Variants in MAGT1 observed in about 807,000 individuals in gnomAD.
MAGT1 encodes dolichyl-diphosphooligosaccharide--protein glycosyltransferase subunit MAGT1.
Under a neutral mutation model 28.4 loss-of-function variants are expected in MAGT1, and 4 were observed. That is an observed-to-expected ratio of 0.14 (90% CI 0.07 to 0.32). The LOEUF (loss-of-function observed/expected upper bound fraction) is 0.32. Ranked by LOEUF, MAGT1 falls within the 10% of genes least tolerant of loss-of-function variation. The probability of loss-of-function intolerance (pLI) is 1.00; values close to 1 mark genes in which losing one functional copy is unlikely to be tolerated. For synonymous variants in MAGT1, 89 were observed against 89.7 expected (o/e 0.99, Z 0.04); for missense variants, 193 against 264.5 (o/e 0.73, Z 1.88).
intron 8 of MAGT1, among the ~76,000 whole-genome samples, chrX:77,832,822 C>CAAAAAAAAAAAAAAAAAAAAAAAAAAA (rs72197791): frequency 3.1e-5 from 1 of 32,349 alleles, no homozygotes; most frequent in Non-Finnish European, 4.8e-5. Context: ...GCCTCTGTCT[C>CAAAAAAAAAAAAAAAAAAAAAAAAAAA]AAAAAAAAAA....
At chrX:77,863,145 G>A (rs1482870127) in intron 3 of MAGT1, among the ~76,000 whole-genome samples, 1 of 109,397 alleles carries the variant, frequency 9.1e-6, no homozygotes, top group Non-Finnish European at 1.9e-5. Context: ...GGGCAACAGA[G>A]TGAGACTCCA....
At chrX:77,844,752 T>G (rs868921132) in intron 7 of MAGT1, among the ~76,000 whole-genome samples, 1 of 111,824 alleles carries the variant, frequency 8.9e-6, no homozygotes, top group South Asian at 3.7e-4. Flanking sequence ...AGTTGAGTGG[T>G]TCTGAGTGAG....
At chrX:77,894,580 T>C (rs781894995) in intron 1 of MAGT1, among the ~76,000 whole-genome samples, 1 of 112,183 alleles carries the variant, frequency 8.9e-6, no homozygotes, top group East Asian at 2.8e-4. Flanking sequence ...TAATTGCTAG[T>C]AGTCTTAAAG....
chrX:77,869,127 T>C lies in MAGT1; in HGVS notation c.390+1681A>G, dbSNP rs1240157236. On this transcript the variant is annotated intron_variant, in intron 3 of 9. Coordinates refer to ENST00000618282, the MANE Select transcript of MAGT1 (RefSeq NM_001367916.1). ...GCTTCCTGGGTTCAAGTGATTCTCA[T>C]GCCTCAGCATCCCGAGTAGTTGGGA... Among the ~76,000 whole-genome samples, 9 of 111,422 alleles carry C rather than the reference T, an allele frequency of 8.1e-5. No individual in the cohort carries two copies. The Admixed American group carries it at 8.7e-4, about 11-fold the overall frequency.
intron 7 of MAGT1, among the ~76,000 whole-genome samples, chrX:77,849,646 G>A (rs781993025): frequency 3.6e-5 from 4 of 110,347 alleles, no homozygotes; most frequent in African/African-American, 9.9e-5. Context: ...CGAGGCAGGC[G>A]GATCAGTTGA....
In MAGT1 at chrX:77,841,259, A is replaced by G. The variant is rs1557214375; in HGVS notation, c.888T>C (p.Ile296=). Residue 296 remains isoleucine (I), a synonymous_variant, in exon 8 of 10, where the codon ATT becomes ATC. Coordinates refer to ENST00000618282, the MANE Select transcript of MAGT1 (RefSeq NM_001367916.1). ...LCEAATSDMD[I]GKRKIMCVAG... is the part of the protein sequence containing the mutation. Reference sequence around the variant, plus strand: ...AAGGTGACTTACTCTTTCGCTTTCCAATATCCATGTCAGAGGTAGCAGCTT... The same window carrying G: ...AAGGTGACTTACTCTTTCGCTTTCCGATATCCATGTCAGAGGTAGCAGCTT... 1.3e-5 allele frequency: 16 copies of G among 1,203,666 alleles called. No individual in the cohort carries two copies. Among genetic ancestry groups the G allele is most frequent in the Non-Finnish European group, 1.8e-5 (16 of 888,302 alleles).
intron 1 of MAGT1, among the ~76,000 whole-genome samples, chrX:77,878,734 G>A (rs1369898578): frequency 4.0e-5 from 4 of 101,081 alleles, no homozygotes; most frequent in Non-Finnish European, 8.0e-5. Flanking sequence ...TGGCTGCAGT[G>A]AGCCGAGATC....
intron 8 of MAGT1, among the ~76,000 whole-genome samples, chrX:77,832,131 T>C: frequency 8.9e-6 from 1 of 112,166 alleles, no homozygotes; most frequent in South Asian, 3.6e-4. Flanking sequence ...CCACATGTCA[T>C]GTCCTACATT....
intron 3 of MAGT1, among the ~76,000 whole-genome samples, chrX:77,866,100 G>A (rs2077008326): frequency 1.6e-5 from 1 of 63,963 alleles, no homozygotes; most frequent in African/African-American, 3.6e-5. Flanking sequence ...GCAGTGAGCC[G>A]AGATCACGCC....
In MAGT1 at chrX:77,826,400, C is replaced by T. The variant is rs1267699393; in HGVS notation, c.*2820G>A. 17 of 112,314 alleles carry T rather than the reference C, an allele frequency of 1.5e-4. No homozygotes were observed. The highest frequency in any genetic ancestry group is 5.5e-4 in the African/African-American group (17 of 30,882). The allele number at this position is 112,314 out of a possible 1,213,427, so 9.3% of individuals were successfully genotyped here. ...AAAGTTTATTGATATGGTCAAAAAG[C>T]AAACAGCCAGACATTTGGTTATCTT... On this transcript the variant is annotated 3_prime_UTR_variant, in exon 10 of 10. Transcript: ENST00000618282.
At chrX:77,839,671 C>A (rs1297266158) in intron 8 of MAGT1, among the ~76,000 whole-genome samples, 1 of 109,858 alleles carries the variant, frequency 9.1e-6, no homozygotes, top group Admixed American at 9.8e-5. Context: ...CCATGCCCAG[C>A]TAATTTTTGT....
intron 8 of MAGT1, among the ~76,000 whole-genome samples, chrX:77,835,133 T>C (rs2076912615): frequency 9.2e-6 from 1 of 108,252 alleles, no homozygotes; most frequent in Admixed American, 1.0e-4. Context: ...TTTTTTTGTA[T>C]TTTTTTTCAG....
intron 7 of MAGT1, among the ~76,000 whole-genome samples, chrX:77,847,396 C>T (rs1390843138): frequency 8.9e-6 from 1 of 112,055 alleles, no homozygotes; most frequent in Non-Finnish European, 1.9e-5. Context: ...GGGGCGATGC[C>T]TCGCCCTGCT....
chrX:77,850,791 G>C (rs1216391785), intron 7 of MAGT1, among the ~76,000 whole-genome samples: 1 of 110,978 alleles, frequency 9.0e-6, no homozygotes, highest in East Asian at 2.8e-4. Flanking sequence ...AAAAGTTTAA[G>C]ACAAAGCTAA....
At chrX:77,853,357 C>A (rs1474348199) in intron 7 of MAGT1, among the ~76,000 whole-genome samples, 1 of 112,031 alleles carries the variant, frequency 8.9e-6, no homozygotes, top group African/African-American at 3.2e-5. Flanking sequence ...TCTTGCTTGG[C>A]AGATCTAAGT....
Position 77,827,444 on chromosome X carries a change from CTTT to C in MAGT1, c.*1773_*1775del, listed in dbSNP as rs781923927. 4 of 98,219 alleles carry C rather than the reference CTTT, an allele frequency of 4.1e-5. No individual in the cohort carries two copies. The highest frequency in any genetic ancestry group is 6.2e-5 in the Non-Finnish European group (3 of 48,073). The allele number at this position is 98,219 out of a possible 1,213,427, so 8.1% of individuals were successfully genotyped here. ...TCTAAGGGAGTCCTTTTCTTTCTTACTTTTTTTTTTTTTTTTGAGATGGAGTCT... is the reference window on the plus strand; with the variant it reads ...TCTAAGGGAGTCCTTTTCTTTCTTACTTTTTTTTTTTTTGAGATGGAGTCT... On this transcript the variant is annotated 3_prime_UTR_variant, in exon 10 of 10. Coordinates refer to ENST00000618282, the MANE Select transcript of MAGT1 (RefSeq NM_001367916.1).
chrX:77,844,600 C>T (rs1175576365), intron 7 of MAGT1, among the ~76,000 whole-genome samples: 3 of 111,128 alleles, frequency 2.7e-5, no homozygotes, highest in Non-Finnish European at 5.7e-5. Context: ...ATAAATTTCC[C>T]TCTACACACT....
At chrX:77,876,158 A>AT (rs2077033686) in intron 1 of MAGT1, among the ~76,000 whole-genome samples, 6 of 30,791 alleles carry the variant, frequency 1.9e-4, no homozygotes, top group Non-Finnish European at 3.5e-4. Context: ...ATATATATAT[A>AT]TATATATTTT....
chrX:77,870,994 G>C, intron 2 of MAGT1, 69 bp from the exon 3 acceptor site: 1 of 748,537 alleles, frequency 1.3e-6, no homozygotes, highest in African/African-American at 2.0e-5. Flanking sequence ...TTTATCATCA[G>C]TAAAACAGGT....
Sources: allele counts gnomAD v4.1 joint callset (sites outside exome capture counted in the v4.1 genomes callset), GRCh38; gene constraint gnomAD v4.1.1; transcripts MANE v1.5; gene names NCBI Gene and HGNC (gene_info 2026-07-23, HGNC 2026-07-21).